CSMD1: variants seen among roughly 807,000 people sequenced by gnomAD.
The protein encoded by CSMD1 is CUB and sushi domain-containing protein 1.
Under a neutral mutation model 417.5 loss-of-function variants are expected in CSMD1, and 213 were observed. That is an observed-to-expected ratio of 0.51 (90% CI 0.46 to 0.57). CSMD1 has a LOEUF of 0.57. Among genes scored for constraint, CSMD1 ranks in the 20% least tolerant of loss-of-function variants. The probability of loss-of-function intolerance (pLI) is 0.00; values close to 1 mark genes in which losing one functional copy is unlikely to be tolerated. For missense variants in CSMD1, 6,923 were observed against 4,529.7 expected, an observed-to-expected ratio of 1.53 and a Z score of -15.17; for synonymous variants, 2,862 against 1,736.8, an observed-to-expected ratio of 1.65 and a Z score of -16.11.
At chr8:3,630,049 T>C (rs1205423480) in intron 7 of CSMD1, among the ~76,000 whole-genome samples, 1 of 92,196 alleles carries the variant, frequency 1.1e-5, no homozygotes, top group Non-Finnish European at 2.5e-5. Flanking sequence ...ATGATTACTT[T>C]TCTACATTAG....
chr8:3,969,236 T>TGAGAC (rs1019640517), intron 5 of CSMD1, among the ~76,000 whole-genome samples: 3 of 152,042 alleles, frequency 2.0e-5, no homozygotes, highest in Admixed American at 2.0e-4. Flanking sequence ...GGTGACAGAG[T>TGAGAC]GAGACTCTGT....
In CSMD1 at chr8:3,188,876, C is replaced by T; in HGVS notation, c.5523+11G>A. On this transcript the variant is annotated intron_variant, in intron 35 of 69. Transcript: ENST00000635120. The stretch of plus-strand genomic sequence containing the variant: ...GAGCCCTGTTGTAGACTGTGGACTT[C>T]AAGGACTCACCTGAATTCCCGAGCC... 3 of 1,552,496 alleles carry T rather than the reference C, an allele frequency of 1.9e-6. No homozygotes were observed. Among genetic ancestry groups the T allele is most frequent in the Non-Finnish European group, 2.6e-6 (3 of 1,147,648 alleles).
intron 10 of CSMD1, among the ~76,000 whole-genome samples, chr8:3,530,792 G>T (rs529419560): frequency 6.6e-6 from 1 of 151,862 alleles, no homozygotes; most frequent in East Asian, 1.9e-4. Flanking sequence ...GCCTCCCAAA[G>T]TGCTACTATT....
At chr8:3,243,038 C>A (rs1236501444) in intron 26 of CSMD1, among the ~76,000 whole-genome samples, 1 of 152,076 alleles carries the variant, frequency 6.6e-6, no homozygotes. Context: ...AACGTGTCTC[C>A]TTTGTCTCTA....
intron 26 of CSMD1, among the ~76,000 whole-genome samples, chr8:3,273,246 G>A (rs181514363): frequency 0.062 from 9,328 of 151,466 alleles, 403 homozygotes; most frequent in Non-Finnish European, 0.086. Context: ...ATAGATTTGC[G>A]TATATTGAAC....
intron 51 of CSMD1, among the ~76,000 whole-genome samples, chr8:3,027,099 G>C (rs1428759086): frequency 1.3e-5 from 2 of 151,992 alleles, no homozygotes; most frequent in East Asian, 1.9e-4. Context: ...CCCTGTATTA[G>C]TACAATTTAA....
chr8:4,849,420 G>C (rs1041090807), intron 1 of CSMD1, among the ~76,000 whole-genome samples: 2 of 151,664 alleles, frequency 1.3e-5, no homozygotes, highest in Non-Finnish European at 2.9e-5. Context: ...TTGTAAGTTT[G>C]CTATACCCTC....
At chr8:2,995,011 T>C (rs1439101565) in intron 54 of CSMD1, among the ~76,000 whole-genome samples, 1 of 152,186 alleles carries the variant, frequency 6.6e-6, no homozygotes, top group Non-Finnish European at 1.5e-5. Flanking sequence ...GCAGAGTTCT[T>C]AGACTTGACA....
At chr8:4,665,474 TC>T (rs1435168808) in intron 1 of CSMD1, among the ~76,000 whole-genome samples, 3 of 152,120 alleles carry the variant, frequency 2.0e-5, no homozygotes, top group South Asian at 2.1e-4. Context: ...ACACAAGCAT[TC>T]CCAGCACACT....
At chr8:3,847,506 G>A (rs181488658) in intron 5 of CSMD1, among the ~76,000 whole-genome samples, 21 of 152,184 alleles carry the variant, frequency 1.4e-4, no homozygotes, top group East Asian at 1.4e-3. Flanking sequence ...ATCAATATGA[G>A]TATGGAAGAT....
At chr8:3,904,715 C>A (rs1243380288) in intron 5 of CSMD1, among the ~76,000 whole-genome samples, 1 of 150,116 alleles carries the variant, frequency 6.7e-6, no homozygotes, top group Non-Finnish European at 1.5e-5. Context: ...CAGCTCACAG[C>A]AACCTCGGCC....
intron 10 of CSMD1, among the ~76,000 whole-genome samples, chr8:3,557,564 T>C (rs1024376263): frequency 2.6e-5 from 4 of 151,916 alleles, no homozygotes; most frequent in Non-Finnish European, 5.9e-5. Context: ...CTTTTAGAGG[T>C]GAGCAAGTCC....
At chr8:4,604,512 G>T (rs1800768392) in intron 2 of CSMD1, among the ~76,000 whole-genome samples, 1 of 151,656 alleles carries the variant, frequency 6.6e-6, no homozygotes, top group Non-Finnish European at 1.5e-5. Context: ...CTTCTGACTT[G>T]ATTATGATCA....
At chr8:4,319,619 A>C (rs755093202) in intron 3 of CSMD1, among the ~76,000 whole-genome samples, 1 of 152,186 alleles carries the variant, frequency 6.6e-6, no homozygotes, top group Non-Finnish European at 1.5e-5. Context: ...AGAAGAAAAC[A>C]AAAGGGTGAA....
In CSMD1 at chr8:4,431,683, A is replaced by G. The variant is rs543579025; in HGVS notation, c.303-11618T>C. On this transcript the variant is annotated intron_variant, in intron 2 of 69. Transcript: ENST00000635120. ...GGAAGAAAAGATAGAGGAATGAAAC[A>G]AAAGAATCCTAAATCCTGACAGCAG... Among the ~76,000 whole-genome samples, 6 of 152,312 alleles carry G rather than the reference A, an allele frequency of 3.9e-5. No homozygotes were observed. The South Asian group carries it at 1.2e-3, about 32-fold the overall frequency.
intron 1 of CSMD1, among the ~76,000 whole-genome samples, chr8:4,834,696 C>G (rs1020160062): frequency 6.6e-6 from 1 of 151,910 alleles, no homozygotes; most frequent in Non-Finnish European, 1.5e-5. Flanking sequence ...GTGGCTCACT[C>G]CTGTAATCCC....
At chr8:4,034,922 C>T (rs1250082383) in intron 3 of CSMD1, among the ~76,000 whole-genome samples, 1 of 152,098 alleles carries the variant, frequency 6.6e-6, no homozygotes, top group Non-Finnish European at 1.5e-5. Context: ...CAGTCATTGT[C>T]ACACACGGAA....
At chr8:3,944,496 T>G (rs1019668050) in intron 5 of CSMD1, among the ~76,000 whole-genome samples, 1 of 152,146 alleles carries the variant, frequency 6.6e-6, no homozygotes, top group African/African-American at 2.4e-5. Flanking sequence ...TCAGATCACT[T>G]TAACCTTTAG....
chr8:4,955,272 A>G (rs1809015906), intron 1 of CSMD1, among the ~76,000 whole-genome samples: 2 of 152,178 alleles, frequency 1.3e-5, no homozygotes, highest in Non-Finnish European at 1.5e-5. Flanking sequence ...TTAAAAACCA[A>G]TAAAGTTGCA....
Sources: allele counts gnomAD v4.1 joint callset (sites outside exome capture counted in the v4.1 genomes callset), GRCh38; gene constraint gnomAD v4.1.1; transcripts MANE v1.5; gene names NCBI Gene and HGNC (gene_info 2026-07-23, HGNC 2026-07-21).